AFF3: variants seen among roughly 807,000 people sequenced by gnomAD.
AFF3 encodes AF4/FMR2 family member 3.
A neutral mutation model predicts 129.7 loss-of-function variants in AFF3; 32 were observed. That is an observed-to-expected ratio of 0.25 (90% confidence interval 0.19 to 0.33). AFF3 has a LOEUF of 0.33. Among genes scored for constraint, AFF3 ranks in the 10% least tolerant of loss-of-function variants. The pLI is 1.00. For missense variants in AFF3, 1,373 were observed against 1,592.0 expected (o/e 0.86, Z 2.34); for synonymous variants, 644 against 635.4 (o/e 1.01, Z -0.20).
intron 4 of AFF3, among the ~76,000 whole-genome samples, chr2:100,020,006 T>C (rs1181675589): frequency 6.6e-6 from 1 of 152,206 alleles, no homozygotes; most frequent in Non-Finnish European, 1.5e-5. Flanking sequence ...AAGAGAATGA[T>C]AGGCCCTCCC....
At chr2:99,978,646 G>C (rs1013772855) in intron 7 of AFF3, among the ~76,000 whole-genome samples, 10 of 152,108 alleles carry the variant, frequency 6.6e-5, no homozygotes, top group Non-Finnish European at 1.5e-4. Flanking sequence ...AAATTCTCAT[G>C]TTGAATATCA....
chr2:99,883,472 G>GA (rs1558944060), intron 7 of AFF3, among the ~76,000 whole-genome samples: 1 of 152,156 alleles, frequency 6.6e-6, no homozygotes, highest in Non-Finnish European at 1.5e-5. Context: ...GCTGAACTCA[G>GA]AATCTCTGGC....
chr2:99,939,668 C>T (rs1230189913), intron 7 of AFF3, among the ~76,000 whole-genome samples: 1 of 152,214 alleles, frequency 6.6e-6, no homozygotes, highest in Non-Finnish European at 1.5e-5. Context: ...AGTTGTCTTA[C>T]TCTGAACTCC....
At chr2:99,891,726 T>C (rs780399543) in intron 7 of AFF3, among the ~76,000 whole-genome samples, 1 of 152,212 alleles carries the variant, frequency 6.6e-6, no homozygotes, top group Non-Finnish European at 1.5e-5. Flanking sequence ...AGGTTCAGAA[T>C]GTGTGGAAGG....
At chr2:99,739,262 GA>G (rs1361157922) in intron 10 of AFF3, among the ~76,000 whole-genome samples, 1 of 152,012 alleles carries the variant, frequency 6.6e-6, no homozygotes, top group African/African-American at 2.4e-5. Context: ...GTTCCTGTCT[GA>G]TTCTTCCTTT....
At chr2:99,772,087 T>A (rs1444052141) in intron 8 of AFF3, among the ~76,000 whole-genome samples, 1 of 151,872 alleles carries the variant, frequency 6.6e-6, no homozygotes. Flanking sequence ...CCCTTTCCCA[T>A]CCTCCACCTC....
intron 4 of AFF3, among the ~76,000 whole-genome samples, chr2:100,100,176 G>C (rs1387006949): frequency 9.8e-6 from 1 of 101,680 alleles, no homozygotes; most frequent in Non-Finnish European, 2.0e-5. Flanking sequence ...GAGTGGTAGG[G>C]AAGATCAGAA....
At chr2:99,852,318 T>C (rs1014537625) in intron 7 of AFF3, among the ~76,000 whole-genome samples, 8 of 152,072 alleles carry the variant, frequency 5.3e-5, no homozygotes, top group African/African-American at 1.9e-4. Flanking sequence ...CCCGAGAGAC[T>C]ATTTAATATC....
At chr2:99,695,421 A>G (rs1676110566) in intron 11 of AFF3, among the ~76,000 whole-genome samples, 1 of 152,198 alleles carries the variant, frequency 6.6e-6, no homozygotes, top group African/African-American at 2.4e-5. Context: ...CCCAACAACC[A>G]GGGGATATAC....
At chr2:99,814,288 C>G (rs1687039713) in intron 8 of AFF3, among the ~76,000 whole-genome samples, 1 of 151,388 alleles carries the variant, frequency 6.6e-6, no homozygotes, top group African/African-American at 2.4e-5. Flanking sequence ...GTTCTGGGGG[C>G]TTGGGGATAA....
At chr2:99,665,090 C>T (rs572552042) in intron 12 of AFF3, among the ~76,000 whole-genome samples, 5 of 152,272 alleles carry the variant, frequency 3.3e-5, no homozygotes, top group East Asian at 1.9e-4. Context: ...GGAGAAGGGC[C>T]GGGCCACAAA....
intron 13 of AFF3, among the ~76,000 whole-genome samples, chr2:99,648,917 A>ACACACACACACC: frequency 6.4e-5 from 3 of 46,874 alleles, no homozygotes; most frequent in African/African-American, 1.3e-4. Context: ...ACACACACAC[A>ACACACACACACC]CTCTCTCTCT....
At chr2:99,767,093 A>G (rs1683080526) in intron 8 of AFF3, among the ~76,000 whole-genome samples, 1 of 152,212 alleles carries the variant, frequency 6.6e-6, no homozygotes, top group Non-Finnish European at 1.5e-5. Context: ...TTCAGTTTCT[A>G]TTAGTGCACC....
chr2:99,623,285 T>G (rs1411354871), intron 13 of AFF3, among the ~76,000 whole-genome samples: 3 of 152,042 alleles, frequency 2.0e-5, no homozygotes, highest in African/African-American at 7.2e-5. Context: ...GAGAGCCCCT[T>G]GTTCAAAGAG....
intron 8 of AFF3, among the ~76,000 whole-genome samples, chr2:99,798,629 T>C (rs1325731458): frequency 1.3e-5 from 2 of 151,922 alleles, no homozygotes; most frequent in African/African-American, 4.8e-5. Flanking sequence ...ATATATTACA[T>C]GCTAACATTA....
intron 4 of AFF3, among the ~76,000 whole-genome samples, chr2:100,047,813 A>G (rs1293657748): frequency 1.3e-5 from 2 of 152,238 alleles, no homozygotes; most frequent in Non-Finnish European, 2.9e-5. Context: ...AGCTTGTATT[A>G]ACTAGTGCCA....
intron 13 of AFF3, among the ~76,000 whole-genome samples, chr2:99,634,964 TACACACAC>T (rs201362666): frequency 1.4e-3 from 198 of 137,768 alleles, no homozygotes; most frequent in African/African-American, 4.1e-3. Context: ...GATTCTGTCA[TACACACAC>T]ACACACACAC....
At chr2:99,736,889 C>G (rs961622005) in intron 10 of AFF3, among the ~76,000 whole-genome samples, 1 of 152,130 alleles carries the variant, frequency 6.6e-6, no homozygotes, top group South Asian at 2.1e-4. Flanking sequence ...GGATTACAGG[C>G]GTGAGCCACC....
chr2:99,751,567 G>A (rs188656686), intron 9 of AFF3, among the ~76,000 whole-genome samples: 4 of 152,298 alleles, frequency 2.6e-5, no homozygotes, highest in Admixed American at 2.6e-4. Context: ...TCTCTGGGTA[G>A]GGAAATAATC....
Sources: gnomAD v4.1 joint callset for allele counts (sites outside exome capture counted in the v4.1 genomes callset) on GRCh38, gnomAD v4.1.1 for gene constraint, MANE v1.5 for transcripts, NCBI Gene and HGNC (gene_info 2026-07-23, HGNC 2026-07-21) for gene names.